The following HCK variants were observed in gnomAD, a reference collection of about 807,000 sequenced individuals.
HCK encodes the protein tyrosine-protein kinase HCK.
Under a neutral mutation model 70.4 loss-of-function variants are expected in HCK, and 40 were observed. The observed-to-expected ratio is 0.57, with a 90% CI of 0.44 to 0.74. The LOEUF is 0.74. Ranked by LOEUF, HCK falls within the 30% of genes least tolerant of loss-of-function variation. HCK has a pLI of 0.00. For synonymous variants in HCK, 245 were observed against 263.2 expected, an observed-to-expected ratio of 0.93 and a Z score of 0.67; for missense variants, 568 against 697.2, an observed-to-expected ratio of 0.81 and a Z score of 2.09.
chr20:32,096,139 C>T (rs1416922223), intron 11 of HCK, among the ~76,000 whole-genome samples: 1 of 152,000 alleles, frequency 6.6e-6, no homozygotes, highest in Non-Finnish European at 1.5e-5. Flanking sequence ...ATTCACCCAC[C>T]TGGGCCTCCC....
intron 10 of HCK, among the ~76,000 whole-genome samples, chr20:32,090,761 C>G (rs1158713472): frequency 6.6e-6 from 1 of 152,162 alleles, no homozygotes; most frequent in Admixed American, 6.5e-5. Flanking sequence ...AATAAACCTA[C>G]TCGTTATTCA....
intron 1 of HCK, among the ~76,000 whole-genome samples, chr20:32,063,757 A>G (rs2045414272): frequency 1.3e-5 from 2 of 151,852 alleles, no homozygotes; most frequent in Non-Finnish European, 2.9e-5. Flanking sequence ...GCACTGGGCA[A>G]GACTCTTTGA....
chr20:32,063,989 CTTCTTT>C (rs2045418342), intron 1 of HCK, among the ~76,000 whole-genome samples: 3 of 116,064 alleles, frequency 2.6e-5, no homozygotes, highest in Non-Finnish European at 5.1e-5. Context: ...CCCATCTCTA[CTTCTTT>C]TTTTTTTTTT....
In HCK at chr20:32,052,788, G is replaced by C. The variant is rs1419047227; in HGVS notation, c.62+302G>C. On this transcript the variant is annotated intron_variant, in intron 1 of 12. Transcript: ENST00000375852. ...CCGTCCAGGTTCCCCTTCTTGGGGG[G>C]GGGCGGGGATTTTTTTTTTAATTTA... 2.5e-4 allele frequency among the ~76,000 whole-genome samples: 33 copies of C among 132,924 alleles called. 3 individuals carry two copies. The highest frequency in any genetic ancestry group is 1.0e-3 in the African/African-American group (32 of 30,748). 87.2% of individuals were successfully genotyped at this position (132,924 alleles called of 152,430 possible).
chr20:32,057,539 G>A (rs2045291181), intron 1 of HCK, among the ~76,000 whole-genome samples: 1 of 152,182 alleles, frequency 6.6e-6, no homozygotes, highest in Non-Finnish European at 1.5e-5. Context: ...GGTGAAGGTT[G>A]CAGTGATCTG....
chr20:32,073,319 G>C lies in HCK; in HGVS notation c.184G>C (p.Gly62Arg), dbSNP rs1195156293. 6.2e-7 allele frequency: 1 copy of C among 1,610,940 alleles called. No homozygotes were observed. The highest frequency in any genetic ancestry group is 8.5e-7 in the Non-Finnish European group (1 of 1,178,830). The change falls in exon 3 of 13, where the codon GGG becomes CGG. Residue 62 changes from glycine to arginine, a missense_variant and splice_region_variant. Around this residue, in one of 4 missense-constraint regions of HCK, gnomAD observed 318 missense variants for 336.0 expected, o/e 0.95. Transcript: ENST00000375852. The stretch of plus-strand genomic sequence containing the variant: ...CTCTTCTCTCATTTCTTCCCCACAG[G>C]GGCCTAATAGCCACAACAGCAACAC...
chr20:32,094,087 T>G lies in HCK; in HGVS notation c.1246+71T>G, dbSNP rs966552870. 6 of 1,434,884 alleles carry G rather than the reference T, an allele frequency of 4.2e-6. No homozygotes were observed. In the Admixed American group the frequency reaches 1.2e-4, roughly 28 times the overall value. 88.9% of individuals were successfully genotyped at this position (1,434,884 alleles called of 1,614,324 possible). ...TGTGAGTGTTGAGAGTTGATACTTG[T>G]GAGAGCGATTGGTAAAATGCAAGGG... is the stretch of plus-strand genomic sequence containing the variant. On this transcript the variant is annotated intron_variant, in intron 11 of 12. Coordinates refer to ENST00000375852, the MANE Select transcript of HCK (RefSeq NM_002110.5).
chr20:32,077,221 C>A (rs563632010), intron 5 of HCK, among the ~76,000 whole-genome samples: 1 of 152,268 alleles, frequency 6.6e-6, no homozygotes, highest in East Asian at 1.9e-4. Context: ...GGAATCAGGG[C>A]GGGATGGAAT....
At chr20:32,085,883 G>C (rs953856167) in intron 8 of HCK, among the ~76,000 whole-genome samples, 1 of 152,198 alleles carries the variant, frequency 6.6e-6, no homozygotes, top group Non-Finnish European at 1.5e-5. Flanking sequence ...GGTGGACGAG[G>C]CTGGGTCATG....
At chr20:32,093,491 G>A (rs11167298) in intron 10 of HCK, among the ~76,000 whole-genome samples, 1 of 37,474 alleles carries the variant, frequency 2.7e-5, no homozygotes, top group East Asian at 2.8e-4. Flanking sequence ...CCTAGGGTTC[G>A]TGTGTGTGTG....
At chr20:32,061,464 T>G (rs8114692) in intron 1 of HCK, among the ~76,000 whole-genome samples, 3 of 152,294 alleles carry the variant, frequency 2.0e-5, no homozygotes, top group South Asian at 2.1e-4. Flanking sequence ...GCTGATCAAT[T>G]TCTCCAGTCG....
At chr20:32,080,962 A>G (rs1600728031) in intron 6 of HCK, among the ~76,000 whole-genome samples, 1 of 152,040 alleles carries the variant, frequency 6.6e-6, no homozygotes, top group East Asian at 1.9e-4. Context: ...GGTGGTGCAC[A>G]TCTGTACTCC....
chr20:32,098,506 A>G (rs1438638331), intron 11 of HCK, among the ~76,000 whole-genome samples: 2 of 152,078 alleles, frequency 1.3e-5, no homozygotes, highest in Non-Finnish European at 2.9e-5. Flanking sequence ...AAAAATGAAA[A>G]GGCTAACTAA....
chr20:32,074,571 C>G (rs2045594141), intron 4 of HCK, 52 bp from the exon 5 acceptor site: 1 of 1,356,324 alleles, frequency 7.4e-7, no homozygotes, highest in Admixed American at 1.7e-5. Context: ...CTTGAGGAGA[C>G]TGGAGAATGA....
chr20:32,099,350 C>CTTTTTTTTTTTTTTTTTTT (rs71336559), intron 12 of HCK, among the ~76,000 whole-genome samples: 25 of 85,174 alleles, frequency 2.9e-4, no homozygotes, highest in African/African-American at 1.6e-3. Context: ...ACTCCTATGA[C>CTTTTTTTTTTTTTTTTTTT]TTTTTTTTTT....
intron 1 of HCK, 78 bp downstream of exon 1, chr20:32,052,564 G>C: frequency 9.3e-7 from 1 of 1,080,482 alleles, no homozygotes; most frequent in South Asian, 3.7e-5. Flanking sequence ...CAGGAGCCTG[G>C]GGAGGGCTGG....
At chr20:32,064,203 C>G (rs2045423370) in intron 1 of HCK, among the ~76,000 whole-genome samples, 1 of 151,870 alleles carries the variant, frequency 6.6e-6, no homozygotes, top group African/African-American at 2.4e-5. Context: ...TGGGGTTTCA[C>G]CATGTTGGAC....
intron 9 of HCK, among the ~76,000 whole-genome samples, 199 bp from the exon 10 acceptor site, chr20:32,088,369 A>G (rs2045818583): frequency 6.6e-6 from 1 of 152,226 alleles, no homozygotes; most frequent in Non-Finnish European, 1.5e-5. Flanking sequence ...GAATCCATCT[A>G]GCAATCAAAA....
rs2045741350 is a variant in HCK, at chr20:32,083,886, C to A, written c.533-8C>A. On this transcript the variant is annotated splice_region_variant and splice_polypyrimidine_tract_variant and intron_variant, in intron 6 of 12. Coordinates refer to ENST00000375852, the MANE Select transcript of HCK (RefSeq NM_002110.5). ...CCATTCTGAGGGGTTTCTCTTTGGTCAATTCAGGAAGCTACTCTTTGTCCG... is the reference window on the plus strand; with the variant it reads ...CCATTCTGAGGGGTTTCTCTTTGGTAAATTCAGGAAGCTACTCTTTGTCCG... The A allele has an allele frequency of 6.2e-7, 1 of 1,614,114 alleles. No individual in the cohort carries two copies. Among genetic ancestry groups the A allele is most frequent in the South Asian group, 1.1e-5 (1 of 91,052 alleles).
Sources: gnomAD v4.1 joint callset for allele counts (sites outside exome capture counted in the v4.1 genomes callset) on GRCh38, gnomAD v4.1.1 for gene constraint, gnomAD v4.1.1 regional missense constraint, MANE v1.5 for transcripts, NCBI Gene and HGNC (gene_info 2026-07-23, HGNC 2026-07-21) for gene names.